RABGAP1L: variants seen among roughly 807,000 people sequenced by gnomAD.
RABGAP1L encodes rab GTPase-activating protein 1-like.
RABGAP1L carries 63 observed loss-of-function variants against 137.7 expected under a neutral mutation model. The ratio of observed to expected loss-of-function variants is 0.46; its 90% CI spans 0.37 to 0.56. RABGAP1L has a LOEUF of 0.56. Among genes scored for constraint, RABGAP1L ranks in the 20% least tolerant of loss-of-function variants. RABGAP1L has a pLI of 0.00. For synonymous variants in RABGAP1L, 431 were observed against 433.7 expected (o/e 0.99, Z 0.08); for missense variants, 1,095 against 1,244.0 (o/e 0.88, Z 1.80).
chr1:174,248,078 G>A (rs1003998421), intron 5 of RABGAP1L, among the ~76,000 whole-genome samples: 7 of 152,116 alleles, frequency 4.6e-5, no homozygotes, highest in Non-Finnish European at 7.4e-5. Context: ...GACCTTGTAG[G>A]CATAGTCTTC....
intron 13 of RABGAP1L, among the ~76,000 whole-genome samples, chr1:174,516,560 A>G (rs1386628059): frequency 6.6e-6 from 1 of 152,080 alleles, no homozygotes; most frequent in African/African-American, 2.4e-5. Context: ...CCTTGAATCA[A>G]TGACTATTAC....
At chr1:174,891,057 TGTTTTCCTTAAAG>T (rs1008943259) in intron 19 of RABGAP1L, among the ~76,000 whole-genome samples, 2 of 152,234 alleles carry the variant, frequency 1.3e-5, no homozygotes, top group Non-Finnish European at 2.9e-5. Flanking sequence ...AAGGCCAAAT[TGTTTTCCTTAAAG>T]GTTATATTAG....
intron 13 of RABGAP1L, among the ~76,000 whole-genome samples, chr1:174,614,358 TTTTC>T (rs1416204697): frequency 2.6e-5 from 4 of 152,350 alleles, no homozygotes; most frequent in African/African-American, 9.6e-5. Flanking sequence ...TTGAAAATTC[TTTTC>T]TTTAAGAATG....
chr1:174,161,590 G>C (rs547583317), intron 1 of RABGAP1L, among the ~76,000 whole-genome samples: 93 of 152,268 alleles, frequency 6.1e-4, no homozygotes, highest in African/African-American at 1.9e-3. Context: ...AAATAGGGTA[G>C]AGCTTATATG....
rs1207351948 is a variant in RABGAP1L at position 174,831,005 on chromosome 1, A to C, written c.2340+19045A>C. ...TTCGGAGGAGGCTCAGAATTGTTTC[A>C]GTTGTCTACCTCATGGTTATTAATA... On this transcript the variant is annotated intron_variant, in intron 19 of 25. Transcript: ENST00000681986. Among the ~76,000 whole-genome samples the C allele has an allele frequency of 2.0e-5, 3 of 147,978 alleles. 1 individual carries two copies. Among genetic ancestry groups the C allele is most frequent in the African/African-American group, 7.4e-5 (3 of 40,484 alleles).
chr1:174,622,935 C>G (rs546934430), intron 13 of RABGAP1L, among the ~76,000 whole-genome samples: 11 of 152,244 alleles, frequency 7.2e-5, no homozygotes, highest in Admixed American at 2.0e-4. Flanking sequence ...AATGCATTCA[C>G]TTTTCTTTGA....
chr1:174,178,238 A>G (rs1027283436), intron 1 of RABGAP1L, among the ~76,000 whole-genome samples: 2 of 152,096 alleles, frequency 1.3e-5, no homozygotes, highest in Non-Finnish European at 2.9e-5. Flanking sequence ...TTCTCTTTGT[A>G]GCAATTGTGA....
chr1:174,789,358 A>G (rs1687683409), intron 18 of RABGAP1L, among the ~76,000 whole-genome samples: 1 of 152,186 alleles, frequency 6.6e-6, no homozygotes, highest in Non-Finnish European at 1.5e-5. Context: ...TTAGTATGTA[A>G]AAACATGGGT....
At chr1:174,247,383 G>A (rs894544113) in intron 5 of RABGAP1L, among the ~76,000 whole-genome samples, 12 of 152,178 alleles carry the variant, frequency 7.9e-5, no homozygotes, top group African/African-American at 2.9e-4. Flanking sequence ...CAGTTAGTGT[G>A]GCATCTCCAC....
chr1:174,600,905 T>G (rs1670356430), intron 13 of RABGAP1L, among the ~76,000 whole-genome samples: 1 of 152,210 alleles, frequency 6.6e-6, no homozygotes, highest in African/African-American at 2.4e-5. Flanking sequence ...GTTGGGACTT[T>G]GACTCCACAT....
intron 9 of RABGAP1L, among the ~76,000 whole-genome samples, chr1:174,276,603 C>T (rs897460143): frequency 4.6e-5 from 7 of 152,012 alleles, no homozygotes; most frequent in Non-Finnish European, 8.8e-5. Context: ...AAATTATTAA[C>T]TATTTTTGCA....
chr1:174,567,870 G>A (rs573612093), intron 13 of RABGAP1L, among the ~76,000 whole-genome samples: 1 of 152,274 alleles, frequency 6.6e-6, no homozygotes, highest in Admixed American at 6.5e-5. Flanking sequence ...GAGACCAACA[G>A]ACCTGTGCTC....
intron 7 of RABGAP1L, among the ~76,000 whole-genome samples, chr1:174,256,636 C>T (rs1673152254): frequency 1.3e-5 from 2 of 152,138 alleles, no homozygotes; most frequent in South Asian, 4.1e-4. Flanking sequence ...TAAAAATTAG[C>T]TGGGCGTGGT....
At chr1:174,551,736 A>G (rs375186479) in intron 13 of RABGAP1L, among the ~76,000 whole-genome samples, 156 of 148,870 alleles carry the variant, frequency 1.0e-3, no homozygotes, top group African/African-American at 3.6e-3. Flanking sequence ...GAGAAAAACC[A>G]TGAAACAAAA....
intron 10 of RABGAP1L, among the ~76,000 whole-genome samples, chr1:174,281,473 G>C (rs531623767): frequency 1.3e-5 from 2 of 152,208 alleles, no homozygotes; most frequent in Non-Finnish European, 2.9e-5. Flanking sequence ...TGATTGGTGC[G>C]TTTACGCTCC....
At chr1:174,957,019 G>A (rs1316202658) in intron 19 of RABGAP1L, among the ~76,000 whole-genome samples, 1 of 152,050 alleles carries the variant, frequency 6.6e-6, no homozygotes, top group Non-Finnish European at 1.5e-5. Flanking sequence ...CAACATAATA[G>A]AAGGATATGA....
intron 1 of RABGAP1L, among the ~76,000 whole-genome samples, chr1:174,163,018 C>G (rs950350491): frequency 2.0e-5 from 3 of 151,748 alleles, no homozygotes; most frequent in South Asian, 2.1e-4. Flanking sequence ...TGCAGCGCAC[C>G]AGGTGCTGGT....
intron 13 of RABGAP1L, among the ~76,000 whole-genome samples, chr1:174,424,314 T>C (rs1651700617): frequency 1.3e-5 from 2 of 152,134 alleles, no homozygotes; most frequent in African/African-American, 4.8e-5. Flanking sequence ...AGTAGAGATA[T>C]TGGCTAATAG....
At chr1:174,251,504 A>G (rs1325924170) in intron 6 of RABGAP1L, among the ~76,000 whole-genome samples, 1 of 152,068 alleles carries the variant, frequency 6.6e-6, no homozygotes, top group Non-Finnish European at 1.5e-5. Context: ...TAGGTATTTT[A>G]TCTGTAGTTT....
Sources: allele counts gnomAD v4.1 joint callset (sites outside exome capture counted in the v4.1 genomes callset), GRCh38; gene constraint gnomAD v4.1.1; transcripts MANE v1.5; gene names NCBI Gene and HGNC (gene_info 2026-07-23, HGNC 2026-07-21).